The following TLN2 variants were observed in gnomAD, a reference collection of about 807,000 sequenced individuals.
TLN2 encodes talin 2, also known as talin-2.
In TLN2, 118 loss-of-function variants were observed where a neutral mutation model predicts 294.7. The observed-to-expected ratio is 0.40, with a 90% confidence interval of 0.34 to 0.47. TLN2 has a LOEUF of 0.47. TLN2 is among the 20% of genes least tolerant of loss of function. The probability of loss-of-function intolerance (pLI) is 0.84; values close to 1 mark genes in which losing one functional copy is unlikely to be tolerated. For synonymous variants in TLN2, 1,431 were observed against 1,304.5 expected (o/e 1.10, Z -2.09); for missense variants, 3,083 against 3,282.2 (o/e 0.94, Z 1.48).
intron 34 of TLN2, 63 bp downstream of exon 34, chr15:62,750,554 G>C (rs551338791): frequency 3.0e-5 from 43 of 1,422,996 alleles, no homozygotes; most frequent in Non-Finnish European, 4.2e-5. Context: ...GAGAAGTTTA[G>C]ACGTGCCTTC....
chr15:62,568,081 A>G (rs1047636155), intron 1 of TLN2, among the ~76,000 whole-genome samples: 1 of 152,084 alleles, frequency 6.6e-6, no homozygotes, highest in African/African-American at 2.4e-5. Flanking sequence ...TATGTCCCTA[A>G]TTATTATTTA....
chr15:62,472,595 A>T (rs891158865), intron 1 of TLN2, among the ~76,000 whole-genome samples: 2 of 152,236 alleles, frequency 1.3e-5, no homozygotes, highest in African/African-American at 4.8e-5. Flanking sequence ...ACTAAAACAT[A>T]AAAATGACAG....
chr15:62,572,343 T>C (rs922906869), intron 1 of TLN2, among the ~76,000 whole-genome samples: 21 of 152,084 alleles, frequency 1.4e-4, no homozygotes, highest in African/African-American at 5.1e-4. Context: ...TGGGAACAAG[T>C]GATCCTTCCA....
intron 54 of TLN2, 122 bp from the exon 55 acceptor site, chr15:62,833,382 T>C: frequency 7.1e-7 from 1 of 1,399,644 alleles, no homozygotes; most frequent in Non-Finnish European, 9.7e-7. Flanking sequence ...ATTTCAGGTG[T>C]GGTTTGTCAA....
chr15:62,486,452 G>GT (rs34975634), intron 1 of TLN2, among the ~76,000 whole-genome samples: 7,314 of 92,870 alleles, frequency 0.079, 414 homozygotes, highest in Non-Finnish European at 0.091. Context: ...CAGTTCCTTT[G>GT]TTTTTTTTTT....
chr15:62,487,709 G>A (rs1196175687), intron 1 of TLN2, among the ~76,000 whole-genome samples: 1 of 151,794 alleles, frequency 6.6e-6, no homozygotes, highest in Non-Finnish European at 1.5e-5. Flanking sequence ...GAGGCAGGTG[G>A]ATCATGGGGT....
At chr15:62,812,360 C>T (rs1434172989) in intron 52 of TLN2, among the ~76,000 whole-genome samples, 1 of 152,190 alleles carries the variant, frequency 6.6e-6, no homozygotes, top group African/African-American at 2.4e-5. Flanking sequence ...AGGCCCTGCA[C>T]ACATGGGCCT....
At chr15:62,559,961 T>G (rs2042827349) in intron 1 of TLN2, among the ~76,000 whole-genome samples, 1 of 152,188 alleles carries the variant, frequency 6.6e-6, no homozygotes, top group Non-Finnish European at 1.5e-5. Context: ...CCAAATAGAA[T>G]GGCTCAGTTA....
chr15:62,527,693 C>A (rs1460850786), intron 1 of TLN2, among the ~76,000 whole-genome samples: 1 of 152,210 alleles, frequency 6.6e-6, no homozygotes, highest in African/African-American at 2.4e-5. Flanking sequence ...TATGTCTGTA[C>A]ACAGTATGGC....
intron 1 of TLN2, among the ~76,000 whole-genome samples, chr15:62,568,641 C>CTTTG (rs2043611335): frequency 6.6e-6 from 1 of 152,180 alleles, no homozygotes; most frequent in Non-Finnish European, 1.5e-5. Flanking sequence ...TAGTGTGTTT[C>CTTTG]TTTGGGTAGT....
At chr15:62,574,442 A>G (rs2044203821) in intron 1 of TLN2, among the ~76,000 whole-genome samples, 1 of 151,744 alleles carries the variant, frequency 6.6e-6, no homozygotes, top group Admixed American at 6.6e-5. Context: ...TTAGCCAGGC[A>G]TGGTGGTACA....
intron 5 of TLN2, among the ~76,000 whole-genome samples, chr15:62,651,381 G>A (rs76899875): frequency 0.05 from 7,585 of 152,150 alleles, 251 homozygotes; most frequent in African/African-American, 0.089. Context: ...GTGACTCTAG[G>A]TGACAGATAT....
chr15:62,436,728 AT>A (rs1219895055), intron 1 of TLN2, among the ~76,000 whole-genome samples: 1 of 151,894 alleles, frequency 6.6e-6, no homozygotes, highest in Non-Finnish European at 1.5e-5. Flanking sequence ...CTCTTTATTT[AT>A]TTATTTTTTT....
intron 28 of TLN2, among the ~76,000 whole-genome samples, chr15:62,731,946 A>G (rs896110025): frequency 1.3e-5 from 2 of 152,234 alleles, no homozygotes; most frequent in African/African-American, 4.8e-5. Flanking sequence ...TGAGCACAAT[A>G]GGAACACAAA....
chr15:62,487,214 C>T (rs1167633629), intron 1 of TLN2, among the ~76,000 whole-genome samples: 1 of 152,214 alleles, frequency 6.6e-6, no homozygotes, highest in East Asian at 1.9e-4. Flanking sequence ...CTGTCGTTGA[C>T]TTACTGGGTT....
In TLN2 at chr15:62,716,469, G is replaced by A; in HGVS notation, c.2763+10G>A. The A allele has an allele frequency of 1.3e-6, 2 of 1,588,112 alleles. No individual in the cohort carries two copies. Among genetic ancestry groups the A allele is most frequent in the Non-Finnish European group, 1.7e-6 (2 of 1,171,384 alleles). On this transcript the variant is annotated intron_variant, in intron 23 of 58. Coordinates refer to ENST00000636159, the MANE Select transcript of TLN2 (RefSeq NM_015059.3). ...TGTCAACCGACTGGAGGTAAGGAAA[G>A]AGGCTGCCTTTCTGGGATGCCCATC... is the stretch of plus-strand genomic sequence containing the variant.
Position 62,800,750 on chromosome 15 carries a change from G to C in TLN2, c.6458G>C (p.Cys2153Ser), listed in dbSNP as rs767425032. The change falls in exon 50 of 59, where the codon TGC (cysteine) becomes TCC (serine). Residue 2153 changes from cysteine to serine, a missense_variant. Coordinates refer to ENST00000636159, the MANE Select transcript of TLN2 (RefSeq NM_015059.3). ...AGGGCGCTTGAGGCCACAATTGAAT[G>C]CATAAAGCAGGAGCTTACGGTAAGG... ...GTRALEATIECIKQELTVFQS... is the reference protein window; with the variant it reads ...GTRALEATIESIKQELTVFQS... 18 of 1,612,468 alleles carry C rather than the reference G, an allele frequency of 1.1e-5. No homozygotes were observed. The highest frequency in any genetic ancestry group is 1.4e-5 in the Non-Finnish European group (17 of 1,179,298).
At chr15:62,698,041 T>C (rs555783799) in intron 15 of TLN2, among the ~76,000 whole-genome samples, 173 bp downstream of exon 15, 1 of 152,242 alleles carries the variant, frequency 6.6e-6, no homozygotes, top group Non-Finnish European at 1.5e-5. Context: ...ACTGCCTGTT[T>C]AGTATCGGAG....
rs140271507 is a variant in TLN2 at position 62,779,726 on chromosome 15, A to G, written c.5515-1414A>G. On this transcript the variant is annotated intron_variant, in intron 43 of 58. Coordinates refer to ENST00000636159, the MANE Select transcript of TLN2 (RefSeq NM_015059.3). ...TTTACAGCAAGTGAATGAGTATGCAATTCAGTCTCCTTTGACTAGCAGGGC... is the reference window on the plus strand; with the variant it reads ...TTTACAGCAAGTGAATGAGTATGCAGTTCAGTCTCCTTTGACTAGCAGGGC... 2.9e-3 allele frequency among the ~76,000 whole-genome samples: 449 copies of G among 152,364 alleles called. 1 individual carries two copies. The highest frequency in any genetic ancestry group is 0.01 in the African/African-American group (431 of 41,584).
Sources: allele counts gnomAD v4.1 joint callset (sites outside exome capture counted in the v4.1 genomes callset), GRCh38; gene constraint gnomAD v4.1.1; transcripts MANE v1.5; gene names NCBI Gene and HGNC (gene_info 2026-07-23, HGNC 2026-07-21).